The following DNAH12 variants were observed in gnomAD, a reference collection of about 807,000 sequenced individuals.
DNAH12 encodes axonemal beta dynein heavy chain 12.
In DNAH12, 285 loss-of-function variants were observed where a neutral mutation model predicts 371.5. The ratio of observed to expected loss-of-function variants is 0.77; its 90% CI spans 0.70 to 0.85. DNAH12 has a LOEUF of 0.85. DNAH12 is among the 40% of genes least tolerant of loss of function. The pLI is 0.00. For synonymous variants in DNAH12, 1,200 were observed against 1,213.0 expected, an observed-to-expected ratio of 0.99 and a Z score of 0.22; for missense variants, 3,611 against 3,689.4, an observed-to-expected ratio of 0.98 and a Z score of 0.55.
chr3:57,329,027 G>C (rs926769226), intron 62 of DNAH12, among the ~76,000 whole-genome samples: 1 of 147,334 alleles, frequency 6.8e-6, no homozygotes, highest in Admixed American at 6.8e-5. Context: ...CCTCTTCAAG[G>C]AGAACTACAA....
In DNAH12 at chr3:57,293,990, A is replaced by G. The variant is rs2061176753; in HGVS notation, c.11693-19T>C. 1 of 1,442,838 alleles carries G rather than the reference A, an allele frequency of 6.9e-7. No individual in the cohort carries two copies. Among genetic ancestry groups the G allele is most frequent in the Admixed American group, 3.0e-5 (1 of 32,904 alleles). 89.4% of individuals were successfully genotyped at this position (1,442,838 alleles called of 1,614,324 possible). On this transcript the variant is annotated intron_variant, in intron 73 of 73. Transcript: ENST00000495027. ...TTTTGAGCTTGAAAAAAAAAAAGAA[A>G]TATATTCACTTGATAAAGGGAAAAA... is the stretch of plus-strand genomic sequence containing the variant.
Position 57,436,984 on chromosome 3 carries a change from A to G in DNAH12, c.4622T>C (p.Ile1541Thr). 3 of 1,515,994 alleles carry G rather than the reference A, an allele frequency of 2.0e-6. No homozygotes were observed. The highest frequency in any genetic ancestry group is 1.8e-6 in the Non-Finnish European group (2 of 1,136,526). The allele number at this position is 1,515,994 out of a possible 1,614,324, so 93.9% of individuals were successfully genotyped here. ...QPVKFFLEKI[I>T]QTYEMMIVRH... ...AACAATCATCATTTCATATGTTTGA[A>G]TTATTTTTTCAAGAAAAAATTTAAC... Residue 1541 changes from isoleucine to threonine, a missense_variant, in exon 30 of 74, where the codon ATT becomes ACT. Ile to Thr is a moderately conservative substitution (Grantham distance 89). Around this residue, in one of 3 missense-constraint regions of DNAH12, gnomAD observed 2,266 missense variants for 2,236.9 expected, o/e 1.01. Transcript: ENST00000495027.
chr3:57,535,761 C>A (rs561798007), intron 2 of DNAH12, among the ~76,000 whole-genome samples: 35 of 151,780 alleles, frequency 2.3e-4, no homozygotes, highest in Non-Finnish European at 5.0e-4. Flanking sequence ...AGGCTGGTCT[C>A]GAACTCCCAA....
chr3:57,365,436 C>G (rs2063029345), intron 57 of DNAH12, among the ~76,000 whole-genome samples: 1 of 152,024 alleles, frequency 6.6e-6, no homozygotes, highest in Non-Finnish European at 1.5e-5. Flanking sequence ...GGGTAGGGAA[C>G]AACACACACT....
intron 2 of DNAH12, among the ~76,000 whole-genome samples, chr3:57,532,007 G>A (rs1237510350): frequency 6.6e-6 from 1 of 151,870 alleles, no homozygotes; most frequent in East Asian, 1.9e-4. Flanking sequence ...GATCTTGTAG[G>A]CATGTTTCAT....
At position 57,425,148 on chromosome 3, in the gene DNAH12, G is replaced by T; in HGVS notation, c.5254-7C>A. On this transcript the variant is annotated splice_polypyrimidine_tract_variant and splice_region_variant and intron_variant, in intron 34 of 73. Transcript: ENST00000495027. Reference sequence around the variant, plus strand: ...TGCTTGTAGGAATCAGTTCCTGCAAGGTGAAAATAAGATAACTTTCTTAAT... The same window carrying T: ...TGCTTGTAGGAATCAGTTCCTGCAATGTGAAAATAAGATAACTTTCTTAAT... The T allele has an allele frequency of 1.5e-6, 1 of 687,290 alleles. No individual in the cohort carries two copies. 42.6% of individuals were successfully genotyped at this position (687,290 alleles called of 1,614,324 possible). A position where few individuals can be genotyped will look rare whatever the true frequency, so the allele number is the denominator to read the frequency against.
At chr3:57,431,324 C>T (rs2064950157) in intron 32 of DNAH12, among the ~76,000 whole-genome samples, 1 of 152,182 alleles carries the variant, frequency 6.6e-6, no homozygotes, top group African/African-American at 2.4e-5. Flanking sequence ...TGGCCTGATC[C>T]AGTGTTTATA....
chr3:57,515,589 G>T (rs1047379376), intron 4 of DNAH12, among the ~76,000 whole-genome samples: 1 of 151,900 alleles, frequency 6.6e-6, no homozygotes, highest in Non-Finnish European at 1.5e-5. Flanking sequence ...CAGCCTGGGC[G>T]ACAGAGCAAA....
intron 59 of DNAH12, among the ~76,000 whole-genome samples, chr3:57,355,902 A>G (rs2062786169): frequency 6.6e-6 from 1 of 152,198 alleles, no homozygotes; most frequent in African/African-American, 2.4e-5. Flanking sequence ...TAAATACCAG[A>G]CATTGTTATA....
chr3:57,511,997 A>AG (rs1575711123), intron 4 of DNAH12, among the ~76,000 whole-genome samples: 1 of 152,118 alleles, frequency 6.6e-6, no homozygotes, highest in East Asian at 1.9e-4. Context: ...ACTTGAGTAT[A>AG]GGAAAAACCT....
At chr3:57,352,249 G>A (rs1553660725) in intron 59 of DNAH12, 24 bp from the exon 60 acceptor site, 4 of 1,520,684 alleles carry the variant, frequency 2.6e-6, no homozygotes, top group East Asian at 2.5e-5. Flanking sequence ...GAAGGAAAAC[G>A]TATTGTCAAA....
chr3:57,448,925 C>T (rs569897833), intron 25 of DNAH12, among the ~76,000 whole-genome samples: 13 of 114,062 alleles, frequency 1.1e-4, no homozygotes, highest in African/African-American at 3.1e-4. Flanking sequence ...TACAGAGTGC[C>T]GATTGGTGTA....
chr3:57,456,629 T>C (rs899534195), intron 22 of DNAH12, among the ~76,000 whole-genome samples: 1 of 152,228 alleles, frequency 6.6e-6, no homozygotes, highest in Non-Finnish European at 1.5e-5. Context: ...GTCATGCATT[T>C]ACCACTCGTG....
rs1031824063 is a variant in DNAH12 at position 57,355,244 on chromosome 3, G to A, written c.9533+1932C>T. 6.7e-4 allele frequency among the ~76,000 whole-genome samples: 102 copies of A among 152,246 alleles called. 1 individual carries two copies. Among genetic ancestry groups the A allele is most frequent in the African/African-American group, 2.5e-3 (102 of 41,550 alleles). On this transcript the variant is annotated intron_variant, in intron 59 of 73. Coordinates refer to ENST00000495027, the MANE Select transcript of DNAH12 (RefSeq NM_001366028.2). ...ATACATAGGACCATGGGAATGGGAT[G>A]GAAGGGATGGTGGTATTGACACTTC...
rs1559648432 is a variant in DNAH12, at chr3:57,428,705, A to G, written c.5181T>C (p.Tyr1727=). The change falls in exon 34 of 74, where the codon TAT becomes TAC. Residue 1727 remains tyrosine (Y), a synonymous_variant. Coordinates refer to ENST00000495027, the MANE Select transcript of DNAH12 (RefSeq NM_001366028.2). ...SLKGPLCEPE[Y]QALLRGLFAW... ...CAAAAAGTCCTCTCAGAAGAGCTTG[A>G]TATTCTGGTTCACACAGAGGTCCTT... 3 of 1,551,478 alleles carry G rather than the reference A, an allele frequency of 1.9e-6. No homozygotes were observed. Among genetic ancestry groups the G allele is most frequent in the Admixed American group, 2.0e-5 (1 of 50,954 alleles).
At chr3:57,521,851 C>T (rs917464109) in intron 4 of DNAH12, among the ~76,000 whole-genome samples, 4 of 152,090 alleles carry the variant, frequency 2.6e-5, no homozygotes, top group African/African-American at 9.7e-5. Flanking sequence ...CGCACCACTG[C>T]ACGCCAGCCT....
At chr3:57,315,855 C>T (rs1026886505) in intron 65 of DNAH12, among the ~76,000 whole-genome samples, 2 of 152,104 alleles carry the variant, frequency 1.3e-5, no homozygotes, top group Non-Finnish European at 2.9e-5. Flanking sequence ...TGTGTGTCTA[C>T]AGGCGAAGAA....
At chr3:57,347,648 G>A (rs994412728) in intron 60 of DNAH12, among the ~76,000 whole-genome samples, 22 of 151,370 alleles carry the variant, frequency 1.5e-4, no homozygotes, top group African/African-American at 1.9e-4. Context: ...CCCAGGAGGC[G>A]GAGGTTGCAG....
In DNAH12 at chr3:57,405,850, T is replaced by C. The variant is rs1314672006; in HGVS notation, c.6379A>G (p.Ile2127Val). 2.6e-6 allele frequency: 4 copies of C among 1,551,702 alleles called. No homozygotes were observed. In the South Asian group the frequency reaches 3.6e-5, roughly 14 times the overall value. The change falls in exon 41 of 74, where the codon ATT becomes GTT. Residue 2127 changes from isoleucine to valine, a missense_variant. By Grantham distance (29) the Ile-to-Val change is conservative. Transcript: ENST00000495027. ...TTGTTCGCCACGGCGTCTCTTTCAATGAGTAAACAGCCCCGGATGACGCGT... is the reference window on the plus strand; with the variant it reads ...TTGTTCGCCACGGCGTCTCTTTCAACGAGTAAACAGCCCCGGATGACGCGT... ...FSRVIRGCLLIERDAVANKHT... is the reference protein window; with the variant it reads ...FSRVIRGCLLVERDAVANKHT...
Sources: gnomAD v4.1 joint callset for allele counts (sites outside exome capture counted in the v4.1 genomes callset) on GRCh38, gnomAD v4.1.1 for gene constraint, gnomAD v4.1.1 regional missense constraint, MANE v1.5 for transcripts, NCBI Gene and HGNC (gene_info 2026-07-23, HGNC 2026-07-21) for gene names.